Variants in PLEC observed in about 807,000 individuals in gnomAD.
PLEC encodes plectin.
A neutral mutation model predicts 392.8 loss-of-function variants in PLEC; 216 were observed. The observed-to-expected ratio is 0.55, with a 90% CI of 0.49 to 0.62. The LOEUF is 0.62. PLEC is among the 20% of genes least tolerant of loss of function. PLEC has a pLI of 0.00. For synonymous variants in PLEC, 3,621 were observed against 2,980.6 expected, an observed-to-expected ratio of 1.21 and a Z score of -7.00; for missense variants, 6,863 against 6,563.4, an observed-to-expected ratio of 1.05 and a Z score of -1.58.
In PLEC at chr8:143,934,838, C is replaced by A; in HGVS notation, c.917G>T (p.Arg306Met). The change falls in exon 9 of 32, where the codon AGG becomes ATG. Residue 306 changes from arginine to methionine, a missense_variant. Transcript: ENST00000345136. ...RHHTAAFEERRFPSSFEEIEI... is the reference protein window; with the variant it reads ...RHHTAAFEERMFPSSFEEIEI... ...AATCTCCTCGAAGCTGGAGGGGAAC[C>A]TGCGTTCCTCAAAGGCGGCCGTGTG... The A allele has an allele frequency of 6.2e-7, 1 of 1,611,630 alleles. No individual in the cohort carries two copies. Among genetic ancestry groups the A allele is most frequent in the Non-Finnish European group, 8.5e-7 (1 of 1,179,818 alleles).
chr8:143,941,888 G>A (rs549130485), upstream of PLEC, among the ~76,000 whole-genome samples: 199 of 152,294 alleles, frequency 1.3e-3, no homozygotes, highest in Admixed American at 2.1e-3. Flanking sequence ...CCAGCCCAGG[G>A]TCCCTCACGA....
upstream of PLEC, among the ~76,000 whole-genome samples, chr8:143,958,159 C>T (rs545288523): frequency 7.7e-5 from 9 of 116,606 alleles, no homozygotes; most frequent in Middle Eastern, 8.3e-3. This position sits in a 1 kb window ranked among gnomAD's most constrained non-coding sequence, Gnocchi z 4.9. Flanking sequence ...GCGGATGCTG[C>T]GGGACAGGTG....
chr8:143,944,585 T>C (rs1831150865), upstream of PLEC: 5 of 1,058,974 alleles, frequency 4.7e-6, no homozygotes, highest in South Asian at 9.7e-5. Flanking sequence ...GCCCCAGCCC[T>C]CTGGCCCCTG....
Position 143,920,625 on chromosome 8 carries a change from G to A in PLEC, c.9196C>T (p.His3066Tyr), listed in dbSNP as rs1822284037. 1 of 1,606,746 alleles carries A rather than the reference G, an allele frequency of 6.2e-7. No homozygotes were observed. The highest frequency in any genetic ancestry group is 1.7e-5 in the Admixed American group (1 of 59,990). ...ALLEAQAGTG[H>Y]IIDPATSARL... ...GCGCTGGTGGCGGGGTCGATGATGT[G>A]CCCGGTGCCGGCCTGGGCTTCCAAC... Residue 3066 changes from histidine (H) to tyrosine (Y), a missense_variant, in exon 32 of 32, where the codon CAC becomes TAC. Physicochemically the swap from His to Tyr is moderately conservative, Grantham distance 83. Transcript: ENST00000345136.
Position 143,923,948 on chromosome 8 carries a change from A to G in PLEC, c.5981T>C (p.Leu1994Pro), listed in dbSNP as rs886044775. Residue 1994 changes from leucine (L) to proline (P), a missense_variant, in exon 31 of 32, where the codon CTG (leucine) becomes CCG (proline). Coordinates refer to ENST00000345136, the MANE Select transcript of PLEC (RefSeq NM_201384.3). The stretch of plus-strand genomic sequence containing the variant: ...CCGTGCGGCCTCCTCCTCGGCCGCC[A>G]GGCTCTTCTGCACGCGCTCCTCAGC... Reference protein sequence around the residue: ...REAEERVQKSLAAEEEAARQR... With the variant: ...REAEERVQKSPAAEEEAARQR... The G allele has an allele frequency of 2.5e-6, 4 of 1,591,400 alleles. No individual in the cohort carries two copies. Among genetic ancestry groups the G allele is most frequent in the Non-Finnish European group, 3.4e-6 (4 of 1,176,790 alleles).
In PLEC at chr8:143,920,640, G is replaced by C; in HGVS notation, c.9181C>G (p.Gln3061Glu). ...TCGATGATGTGCCCGGTGCCGGCCT[G>C]GGCTTCCAACAGGGCCACGGCCATG... ...SDMAVALLEA[Q>E]AGTGHIIDPA... Residue 3061 changes from glutamine to glutamate, a missense_variant, in exon 32 of 32, where the codon CAG (glutamine) becomes GAG (glutamate). Coordinates refer to ENST00000345136, the MANE Select transcript of PLEC (RefSeq NM_201384.3). 1 of 1,605,752 alleles carries C rather than the reference G, an allele frequency of 6.2e-7. No homozygotes were observed. The highest frequency in any genetic ancestry group is 1.1e-5 in the South Asian group (1 of 91,084).
At position 143,918,638 on chromosome 8, in the gene PLEC, G is replaced by A; in HGVS notation, c.11183C>T (p.Ala3728Val). 1.2e-6 allele frequency: 2 copies of A among 1,612,826 alleles called. No homozygotes were observed. The highest frequency in any genetic ancestry group is 2.2e-5 in the South Asian group (2 of 91,078). ...EVARLLLEAQAATGFLLDPVK... is the reference protein window; with the variant it reads ...EVARLLLEAQVATGFLLDPVK... ...CGGGTCCAGCAGGAAGCCTGTGGCT[G>A]CCTGTGCCTCCAGCAGCAGGCGGGC... Residue 3728 changes from alanine (A) to valine (V), a missense_variant, in exon 32 of 32, where the codon GCA (alanine) becomes GTA (valine). Transcript: ENST00000345136.
chr8:143,918,533 G>A lies in PLEC; in HGVS notation c.11288C>T (p.Ser3763Leu), dbSNP rs377598440. 4.3e-5 allele frequency: 69 copies of A among 1,609,348 alleles called. No individual in the cohort carries two copies. The highest frequency in any genetic ancestry group is 2.2e-4 in the Admixed American group (13 of 59,764). ...VGPELHDRLLSAERAVTGYRD... is the reference protein window; with the variant it reads ...VGPELHDRLLLAERAVTGYRD... ...GTAGCCGGTGACCGCCCGCTCAGCC[G>A]AGAGCAGGCGGTCGTGCAGCTCGGG... is the stretch of plus-strand genomic sequence containing the variant. The change falls in exon 32 of 32, where the codon TCG (serine) becomes TTG (leucine). Residue 3763 changes from serine (S) to leucine (L), a missense_variant. Coordinates refer to ENST00000345136, the MANE Select transcript of PLEC (RefSeq NM_201384.3).
chr8:143,922,185 G>A lies in PLEC; in HGVS notation c.7636C>T (p.Gln2546Ter), dbSNP rs1554688741. 1.3e-6 allele frequency: 2 copies of A among 1,546,258 alleles called. No individual in the cohort carries two copies. ...TCCTCCATGCTGGCCACCAGCCGCTGCCGTTCCTGCTCCATCTGCTGCTGC... is the reference window on the plus strand; with the variant it reads ...TCCTCCATGCTGGCCACCAGCCGCTACCGTTCCTGCTCCATCTGCTGCTGC... ...RQQQQMEQER[Q>*]RLVASMEEAR... Residue 2546 changes from glutamine (Q) to a stop codon, truncating the protein, a stop_gained, in exon 32 of 32, where the codon CAG (glutamine) becomes TAG (stop). Coordinates refer to ENST00000345136, the MANE Select transcript of PLEC (RefSeq NM_201384.3). LOFTEE classifies it low-confidence loss of function (END_TRUNC).
chr8:143,929,791 C>T lies in PLEC; in HGVS notation c.2778G>A (p.Leu926=). 1 of 1,599,752 alleles carries T rather than the reference C, an allele frequency of 6.3e-7. No homozygotes were observed. The highest frequency in any genetic ancestry group is 8.5e-7 in the Non-Finnish European group (1 of 1,178,634). Reference sequence around the variant, plus strand: ...CCTGGTAGTGCAGCTCCAGGCTGTGCAGGGCTTGGCGCTGCTCCTCTGGCT... The same window carrying T: ...CCTGGTAGTGCAGCTCCAGGCTGTGTAGGGCTTGGCGCTGCTCCTCTGGCT... ...TLKPEEQRQA[L]HSLELHYQAF... Residue 926 remains leucine (L), a synonymous_variant, in exon 23 of 32, where the codon CTG becomes CTA. Coordinates refer to ENST00000345136, the MANE Select transcript of PLEC (RefSeq NM_201384.3).
In PLEC at chr8:143,919,969, G is replaced by A. The variant is rs782210441; in HGVS notation, c.9852C>T (p.Val3284=). 1.2e-6 allele frequency: 2 copies of A among 1,613,360 alleles called. No homozygotes were observed. The highest frequency in any genetic ancestry group is 1.7e-5 in the Admixed American group (1 of 60,030). The stretch of plus-strand genomic sequence containing the variant: ...CCACGATGGTAATGAGAATCTTGAT[G>A]ACCTTCTCCACGGTGACCTTGCCCG... ...FRTGKVTVEK[V]IKILITIVEE... The change falls in exon 32 of 32, where the codon GTC becomes GTT. Residue 3284 remains valine, a synonymous_variant. Coordinates refer to ENST00000345136, the MANE Select transcript of PLEC (RefSeq NM_201384.3).
chr8:143,945,606 T>C lies in PLEC; in HGVS notation c.523+4578A>G, dbSNP rs549598581. ...CACATGGAACCCTCAGCAAACCCCA[T>C]GAAGTCCTATACCATGAAGGCCTCA... On this transcript the variant is annotated intron_variant, in intron 1 of 31. Transcript: ENST00000322810. Among the ~76,000 whole-genome samples the C allele has an allele frequency of 2.0e-5, 3 of 152,298 alleles. No individual in the cohort carries two copies. In the South Asian group the frequency reaches 6.2e-4, roughly 32 times the overall value.
chr8:143,950,303 T>G, exon 1 of PLEC: 1 of 1,571,368 alleles, frequency 6.4e-7, no homozygotes. Context: ...CCGCTGCTCC[T>G]CCGTCGGCAG....
chr8:143,965,645 C>A (rs1287130588), intron 1 of PLEC, among the ~76,000 whole-genome samples: 9 of 152,216 alleles, frequency 5.9e-5, no homozygotes, highest in Non-Finnish European at 1.5e-5. Context: ...GCCCCTGGCC[C>A]CTCTGCTGCC....
chr8:143,939,822 G>A (rs1454353156), upstream of PLEC, among the ~76,000 whole-genome samples: 1 of 152,224 alleles, frequency 6.6e-6, no homozygotes, highest in African/African-American at 2.4e-5. Context: ...GGGGACACGG[G>A]GAGCTGGCAC....
rs1824273464 is a variant in PLEC at position 143,924,677 on chromosome 8, T to A, written c.5252A>T (p.Gln1751Leu). 1 of 1,534,748 alleles carries A rather than the reference T, an allele frequency of 6.5e-7. No homozygotes were observed. Among genetic ancestry groups the A allele is most frequent in the South Asian group, 1.2e-5 (1 of 84,126 alleles). Residue 1751 changes from glutamine to leucine, a missense_variant, in exon 31 of 32, where the codon CAG (glutamine) becomes CTG (leucine). Coordinates refer to ENST00000345136, the MANE Select transcript of PLEC (RefSeq NM_201384.3). ...CTTGGCCAGCTCGGCTTCCAGCTCC[T>A]GCCGTTTCTGCGTGGCTGCAGCCGC... ...REAAAATQKR[Q>L]ELEAELAKVR...
Position 143,916,142 on chromosome 8 carries a change from G to A in PLEC, c.*35C>T, listed in dbSNP as rs1820421435. 6.7e-7 allele frequency: 1 copy of A among 1,485,878 alleles called. No individual in the cohort carries two copies. Among genetic ancestry groups the A allele is most frequent in the Non-Finnish European group, 8.9e-7 (1 of 1,118,288 alleles). The allele number at this position is 1,485,878 out of a possible 1,614,324, so 92.0% of individuals were successfully genotyped here. On this transcript the variant is annotated 3_prime_UTR_variant, in exon 32 of 32. Transcript: ENST00000345136. ...CCCGCGCCTCGGTGGGAGCCGGGCT[G>A]GGCCGCATGCAGAGCGGGGTGGGCG...
At chr8:143,938,895 C>A (rs555430320) in intron 1 of PLEC, among the ~76,000 whole-genome samples, 4 of 152,174 alleles carry the variant, frequency 2.6e-5, no homozygotes, top group African/African-American at 9.6e-5. Context: ...GGGGCCCAGG[C>A]GCCACCAGGT....
Position 143,922,308 on chromosome 8 carries a change from G to C in PLEC, c.7513C>G (p.Arg2505Gly), listed in dbSNP as rs782284017. 2 of 1,607,328 alleles carry C rather than the reference G, an allele frequency of 1.2e-6. No homozygotes were observed. Among genetic ancestry groups the C allele is most frequent in the Non-Finnish European group, 8.5e-7 (1 of 1,179,920 alleles). The change falls in exon 32 of 32, where the codon CGG becomes GGG. Residue 2505 changes from arginine to glycine, a missense_variant. Physicochemically the swap from Arg to Gly is moderately radical, Grantham distance 125 (BLOSUM62 -2). Transcript: ENST00000345136. ...FLSEKDSLLQ[R>G]ERFIEQEKAK... is the part of the protein sequence containing the mutation. ...TTCTCCTGCTCGATGAAGCGCTCCC[G>C]CTGTAGCAGGCTGTCCTTTTCAGAG...
Sources: gnomAD v4.1 joint callset for allele counts (sites outside exome capture counted in the v4.1 genomes callset) on GRCh38, gnomAD v4.1.1 for gene constraint, Gnocchi (gnomAD v3.1) non-coding constraint, MANE v1.5 for transcripts, NCBI Gene and HGNC (gene_info 2026-07-23, HGNC 2026-07-21) for gene names.